The following FLNB variants were observed in gnomAD, a reference collection of about 807,000 sequenced individuals.
The protein encoded by FLNB is filamin-B.
FLNB carries 111 observed loss-of-function variants against 250.6 expected under a neutral mutation model. The observed-to-expected ratio is 0.44, with a 90% CI of 0.38 to 0.52. The LOEUF is 0.52. Among genes scored for constraint, FLNB ranks in the 20% least tolerant of loss-of-function variants. The pLI is 0.00. For synonymous variants in FLNB, 1,302 were observed against 1,372.1 expected, an observed-to-expected ratio of 0.95 and a Z score of 1.13; for missense variants, 2,869 against 3,447.8, an observed-to-expected ratio of 0.83 and a Z score of 4.20.
intron 43 of FLNB, chr3:58,163,901 G>A (rs1174334666): frequency 6.5e-6 from 1 of 154,498 alleles, no homozygotes; most frequent in African/African-American, 2.4e-5. Context: ...GATGGGACAT[G>A]TTTGATTATG....
rs927026973 is a variant in FLNB at position 58,098,810 on chromosome 3, G to A, written c.1247G>A (p.Cys416Tyr). The A allele has an allele frequency of 3.7e-6, 6 of 1,614,178 alleles. No homozygotes were observed. Among genetic ancestry groups the A allele is most frequent in the Non-Finnish European group, 3.4e-6 (4 of 1,180,016 alleles). Reference sequence around the variant, plus strand: ...GACAAAGGAAACCAGGTGTATCGATGTGTGTACAAACCCATGCAGCCTGGC... The same window carrying A: ...GACAAAGGAAACCAGGTGTATCGATATGTGTACAAACCCATGCAGCCTGGC... Reference protein sequence around the residue: ...VEDKGNQVYRCVYKPMQPGPH... With the variant: ...VEDKGNQVYRYVYKPMQPGPH... The change falls in exon 8 of 46, where the codon TGT becomes TAT. Residue 416 changes from cysteine (C) to tyrosine (Y), a missense_variant. By Grantham distance (194) the Cys-to-Tyr change is radical. Around this residue, in one of 5 missense-constraint regions of FLNB, gnomAD observed 1,348 missense variants for 1,466.7 expected, o/e 0.92. Transcript: ENST00000295956.
intron 29 of FLNB, 59 bp downstream of exon 29, chr3:58,138,588 G>A (rs548455357): frequency 1.4e-4 from 228 of 1,606,908 alleles, no homozygotes; most frequent in South Asian, 1.8e-4. Context: ...AACAGCTGCC[G>A]TTTGTTGAAC....
chr3:58,123,270 A>G lies in FLNB; in HGVS notation c.3304A>G (p.Thr1102Ala), dbSNP rs773448776. The G allele has an allele frequency of 1.4e-5, 22 of 1,613,992 alleles. No individual in the cohort carries two copies. Among genetic ancestry groups the G allele is most frequent in the African/African-American group, 1.3e-4 (10 of 74,890 alleles). The change falls in exon 21 of 46, where the codon ACA becomes GCA. Residue 1102 changes from threonine (T) to alanine (A), a missense_variant. Around this residue, in one of 5 missense-constraint regions of FLNB, gnomAD observed 1,348 missense variants for 1,466.7 expected, o/e 0.92. Transcript: ENST00000295956. ...GACCTGCTCCGTCTCTTACCTTCCC[A>G]CAAAACCCGGGGAGTACTTCGTCAA... Reference protein sequence around the residue: ...DGTCSVSYLPTKPGEYFVNIL... With the variant: ...DGTCSVSYLPAKPGEYFVNIL...
At chr3:58,020,905 G>C (rs1485135427) in intron 1 of FLNB, among the ~76,000 whole-genome samples, 1 of 151,978 alleles carries the variant, frequency 6.6e-6, no homozygotes, top group Non-Finnish European at 1.5e-5. Flanking sequence ...TCCTTCAACA[G>C]GCAGGAACGG....
intron 10 of FLNB, among the ~76,000 whole-genome samples, chr3:58,104,310 G>C (rs778730683): frequency 5.3e-5 from 8 of 152,142 alleles, no homozygotes; most frequent in Non-Finnish European, 1.0e-4. Flanking sequence ...GGTGGTTAGG[G>C]GCTGGTGGGA....
At chr3:58,053,421 C>A (rs2097165589) in intron 1 of FLNB, among the ~76,000 whole-genome samples, 1 of 152,092 alleles carries the variant, frequency 6.6e-6, no homozygotes, top group Admixed American at 6.6e-5. Context: ...TATTCATAGC[C>A]AAATCATTTT....
chr3:58,081,911 TG>T, intron 4 of FLNB, 135 bp downstream of exon 4: 5 of 922,498 alleles, frequency 5.4e-6, no homozygotes, highest in Non-Finnish European at 8.9e-6. Flanking sequence ...AAGCCTCCTT[TG>T]TAACACATTT....
intron 1 of FLNB, among the ~76,000 whole-genome samples, chr3:58,045,529 C>G (rs1273806620): frequency 2.0e-5 from 3 of 152,230 alleles, no homozygotes; most frequent in Admixed American, 2.0e-4. Flanking sequence ...GTGGCCAAGA[C>G]AATTCTTCTT....
intron 1 of FLNB, among the ~76,000 whole-genome samples, chr3:58,046,215 G>A (rs950331310): frequency 6.6e-6 from 1 of 151,890 alleles, no homozygotes; most frequent in African/African-American, 2.4e-5. Flanking sequence ...CAGGTCACAG[G>A]GACCAAGGGA....
chr3:58,167,283 A>G (rs2097372278), intron 43 of FLNB, among the ~76,000 whole-genome samples: 1 of 152,164 alleles, frequency 6.6e-6, no homozygotes, highest in Non-Finnish European at 1.5e-5. Flanking sequence ...TGCACAGATT[A>G]GATACCATGA....
Position 58,098,751 on chromosome 3 carries a change from C to T in FLNB, c.1188C>T (p.Pro396=). 1 of 1,614,032 alleles carries T rather than the reference C, an allele frequency of 6.2e-7. No individual in the cohort carries two copies. Among genetic ancestry groups the T allele is most frequent in the African/African-American group, 1.3e-5 (1 of 74,966 alleles). ...VGDIGVEVED[P]QGKNTVELLV... ...ACATTGGTGTGGAGGTGGAAGATCC[C>T]CAGGGGAAGAACACCGTGGAGTTGC... is the stretch of plus-strand genomic sequence containing the variant. The change falls in exon 8 of 46, where the codon CCC becomes CCT. Residue 396 remains proline (P), a synonymous_variant. Coordinates refer to ENST00000295956, the MANE Select transcript of FLNB (RefSeq NM_001457.4).
At position 58,087,579 on chromosome 3, in the gene FLNB, A is replaced by C. The variant is rs930363799; in HGVS notation, c.787+5803A>C. 2.0e-5 allele frequency among the ~76,000 whole-genome samples: 3 copies of C among 151,642 alleles called. No homozygotes were observed. In the East Asian group the frequency reaches 5.8e-4, roughly 29 times the overall value. ...AGCGTTCTCCTGCCTCAGCCTGCCA[A>C]GTAGCTGGGATTACAGGCGCCCACC... On this transcript the variant is annotated intron_variant, in intron 4 of 45. Transcript: ENST00000295956.
chr3:58,136,492 C>T (rs145535719), intron 28 of FLNB, among the ~76,000 whole-genome samples: 10 of 152,240 alleles, frequency 6.6e-5, no homozygotes, highest in African/African-American at 2.4e-4. Flanking sequence ...ACTCTGATGG[C>T]GGCTCCCATG....
chr3:58,018,486 C>T (rs1192652331), intron 1 of FLNB, among the ~76,000 whole-genome samples: 1 of 150,576 alleles, frequency 6.6e-6, no homozygotes, highest in Non-Finnish European at 1.5e-5. Flanking sequence ...AGGCGCCTGC[C>T]ACCTTGCCTG....
chr3:58,124,316 T>A lies in FLNB; in HGVS notation c.3725-16T>A. 6.2e-7 allele frequency: 1 copy of A among 1,614,164 alleles called. No individual in the cohort carries two copies. Among genetic ancestry groups the A allele is most frequent in the African/African-American group, 1.3e-5 (1 of 75,052 alleles). On this transcript the variant is annotated splice_polypyrimidine_tract_variant and intron_variant, in intron 21 of 45. Transcript: ENST00000295956. ...GGGGTACTGGTGGCAGTGTTAGCTA[T>A]GTGCTTGCTCTGCAGATGTGTTCCG...
At chr3:58,051,190 C>A (rs1414068849) in intron 1 of FLNB, among the ~76,000 whole-genome samples, 1 of 152,260 alleles carries the variant, frequency 6.6e-6, no homozygotes, top group Non-Finnish European at 1.5e-5. Context: ...TTCTCTAACA[C>A]CCTTCTGCTT....
Position 58,109,247 on chromosome 3 carries a change from C to T in FLNB, c.2124C>T (p.Tyr708=). The change falls in exon 14 of 46, where the codon TAC becomes TAT. Residue 708 remains tyrosine, a synonymous_variant. Coordinates refer to ENST00000295956, the MANE Select transcript of FLNB (RefSeq NM_001457.4). ...TGGACGGCACATATGCATGCTCATACACCCCGGTGAAGGCCATCAAGCACA... is the reference window on the plus strand; with the variant it reads ...TGGACGGCACATATGCATGCTCATATACCCCGGTGAAGGCCATCAAGCACA... ...NRMDGTYACS[Y]TPVKAIKHTI... 2 of 1,614,248 alleles carry T rather than the reference C, an allele frequency of 1.2e-6. No homozygotes were observed. Among genetic ancestry groups the T allele is most frequent in the Non-Finnish European group, 1.7e-6 (2 of 1,180,046 alleles).
chr3:58,086,572 C>G (rs186082077), intron 4 of FLNB, among the ~76,000 whole-genome samples: 1 of 152,184 alleles, frequency 6.6e-6, no homozygotes, highest in Non-Finnish European at 1.5e-5. Flanking sequence ...ATAATTTTTA[C>G]CTTTCTTTTT....
intron 4 of FLNB, among the ~76,000 whole-genome samples, chr3:58,088,028 G>A (rs1041723070): frequency 1.4e-5 from 2 of 143,084 alleles, no homozygotes; most frequent in Non-Finnish European, 3.0e-5. Context: ...TGTGAACCAC[G>A]GCGCCCAGCC....
Sources: allele counts gnomAD v4.1 joint callset (sites outside exome capture counted in the v4.1 genomes callset), GRCh38; gene constraint gnomAD v4.1.1; regional missense constraint gnomAD v4.1.1; transcripts MANE v1.5; gene names NCBI Gene and HGNC (gene_info 2026-07-23, HGNC 2026-07-21).